Variants in MREG observed in about 807,000 individuals in gnomAD.
The protein encoded by MREG is melanoregulin.
A neutral mutation model predicts 28.5 loss-of-function variants in MREG; 31 were observed. The ratio of observed to expected loss-of-function variants is 1.09; its 90% CI spans 0.82 to 1.47. MREG has a LOEUF of 1.47. MREG is among the 40% of genes most tolerant of loss of function. The pLI is 0.00. For synonymous variants in MREG, 106 were observed against 95.2 expected, an observed-to-expected ratio of 1.11 and a Z score of -0.66; for missense variants, 256 against 257.4, an observed-to-expected ratio of 0.99 and a Z score of 0.04.
intron 1 of MREG, among the ~76,000 whole-genome samples, chr2:216,031,177 C>A (rs1264906378): frequency 6.6e-6 from 1 of 152,026 alleles, no homozygotes; most frequent in African/African-American, 2.4e-5. Flanking sequence ...GAGGCTGAGG[C>A]AGGCAGATCA....
chr2:215,987,197 G>A (rs139593322), intron 2 of MREG, among the ~76,000 whole-genome samples: 44 of 151,626 alleles, frequency 2.9e-4, no homozygotes, highest in Admixed American at 7.9e-4. Context: ...CATAATATGC[G>A]ATCCAATCTG....
chr2:215,957,445 C>T (rs1574598817), intron 2 of MREG, among the ~76,000 whole-genome samples: 1 of 152,250 alleles, frequency 6.6e-6, no homozygotes, highest in African/African-American at 2.4e-5. Context: ...CCACACTCTC[C>T]TCTCCACTTT....
intron 2 of MREG, among the ~76,000 whole-genome samples, chr2:215,979,418 G>C (rs1214031533): frequency 6.7e-6 from 1 of 149,784 alleles, no homozygotes; most frequent in Non-Finnish European, 1.5e-5. Flanking sequence ...AGCCGAGATC[G>C]CGCCACTGCA....
At chr2:215,957,216 A>G (rs1692648542) in intron 2 of MREG, among the ~76,000 whole-genome samples, 1 of 152,312 alleles carries the variant, frequency 6.6e-6, no homozygotes, top group East Asian at 1.9e-4. Context: ...GGAAAACACA[A>G]TTGAAATCTG....
intron 1 of MREG, among the ~76,000 whole-genome samples, chr2:216,025,415 G>C (rs1251692764): frequency 5.3e-5 from 8 of 152,168 alleles, no homozygotes; most frequent in Admixed American, 5.2e-4. Flanking sequence ...TAGCTTCCCA[G>C]GAAAGCTAAC....
chr2:215,976,971 C>T (rs1342252077), intron 2 of MREG, among the ~76,000 whole-genome samples: 1 of 152,222 alleles, frequency 6.6e-6, no homozygotes. Flanking sequence ...ACTGCATCAA[C>T]TAACGGGCAA....
At chr2:215,951,355 G>A (rs923278663) in intron 2 of MREG, among the ~76,000 whole-genome samples, 1 of 152,210 alleles carries the variant, frequency 6.6e-6, no homozygotes, top group Non-Finnish European at 1.5e-5. Flanking sequence ...TTTTTAAATT[G>A]TAATGATTTA....
intron 1 of MREG, among the ~76,000 whole-genome samples, chr2:216,023,396 GT>G (rs1694553516): frequency 6.6e-6 from 1 of 152,240 alleles, no homozygotes; most frequent in South Asian, 2.1e-4. Context: ...TAATATTTAA[GT>G]GGGAGATTTA....
chr2:215,982,335 C>G (rs1406565968), intron 2 of MREG, among the ~76,000 whole-genome samples: 1 of 135,774 alleles, frequency 7.4e-6, no homozygotes, highest in African/African-American at 2.9e-5. Context: ...AAAACTCCGT[C>G]AAAAAAAAAA....
At chr2:215,956,538 G>A (rs1328921049) in intron 2 of MREG, among the ~76,000 whole-genome samples, 5 of 152,072 alleles carry the variant, frequency 3.3e-5, no homozygotes, top group Non-Finnish European at 5.9e-5. Flanking sequence ...TTCTTTTGGT[G>A]TTGTTTGTTG....
chr2:215,974,833 C>T (rs200271681), intron 2 of MREG, among the ~76,000 whole-genome samples: 2 of 99,428 alleles, frequency 2.0e-5, no homozygotes, highest in African/African-American at 3.3e-5. Context: ...CAGACACACA[C>T]ACACACACAC....
At chr2:215,988,439 C>A (rs1342735965) in intron 2 of MREG, among the ~76,000 whole-genome samples, 1 of 152,104 alleles carries the variant, frequency 6.6e-6, no homozygotes, top group African/African-American at 2.4e-5. Context: ...CCACCAGGGC[C>A]CTGGGTTTCA....
chr2:215,978,289 T>C (rs1161453426), intron 2 of MREG, among the ~76,000 whole-genome samples: 1 of 152,120 alleles, frequency 6.6e-6, no homozygotes, highest in Non-Finnish European at 1.5e-5. Flanking sequence ...CTAGAAGAAA[T>C]GAATAAATTC....
intron 1 of MREG, among the ~76,000 whole-genome samples, chr2:215,997,040 C>T (rs993697606): frequency 1.4e-4 from 21 of 152,272 alleles, no homozygotes; most frequent in African/African-American, 4.3e-4. Context: ...CTTGGCCTCC[C>T]GAAGTGCTGG....
downstream of MREG, among the ~76,000 whole-genome samples, chr2:215,941,525 T>G (rs546347710): frequency 2.6e-5 from 4 of 152,300 alleles, no homozygotes; most frequent in South Asian, 4.1e-4. Context: ...CCTTCCCCAG[T>G]GTACAGTTAT....
At chr2:216,030,944 TCTCTCTCTCTCTCACACACACA>T (rs1238200734) in intron 1 of MREG, among the ~76,000 whole-genome samples, 6 of 57,356 alleles carry the variant, frequency 1.0e-4, no homozygotes, top group African/African-American at 2.8e-4. Context: ...TCTCTCTCTC[TCTCTCTCTCTCTCACACACACA>T]CACACACACA....
At chr2:216,009,278 C>T (rs571930978) in intron 1 of MREG, among the ~76,000 whole-genome samples, 1 of 152,082 alleles carries the variant, frequency 6.6e-6, no homozygotes, top group African/African-American at 2.4e-5. Context: ...TGTATGTTAG[C>T]ACTTCAGCAC....
chr2:215,967,670 G>A (rs1692979827), intron 2 of MREG, among the ~76,000 whole-genome samples: 1 of 152,194 alleles, frequency 6.6e-6, no homozygotes, highest in Non-Finnish European at 1.5e-5. Flanking sequence ...GCCTTAAGTA[G>A]AGGCCAGCAA....
chr2:215,943,617 G>A lies in MREG; in HGVS notation c.*1246C>T, dbSNP rs1452197157. On this transcript the variant is annotated 3_prime_UTR_variant, in exon 5 of 5. Transcript: ENST00000263268. ...AGCACTTTGGGAGGCTGGGGCAGGC[G>A]GATGACGAGGTCAGGAGATCGAGAC... The A allele has an allele frequency of 7.5e-6, 3 of 401,694 alleles. No individual in the cohort carries two copies. Among genetic ancestry groups the A allele is most frequent in the South Asian group, 3.7e-5 (2 of 54,500 alleles). The allele number at this position is 401,694 out of a possible 1,614,324, so 24.9% of individuals were successfully genotyped here.
Sources: allele counts gnomAD v4.1 joint callset (sites outside exome capture counted in the v4.1 genomes callset), GRCh38; gene constraint gnomAD v4.1.1; transcripts MANE v1.5; gene names NCBI Gene and HGNC (gene_info 2026-07-23, HGNC 2026-07-21).